The following AFG2A variants were observed in gnomAD, a reference collection of about 807,000 sequenced individuals.
AFG2A encodes AAA ATPase AFG2A.
At chr4:123,147,678 A>C in the AFG2A span, among the ~76,000 whole-genome samples, 1 of 152,226 alleles carries the variant, frequency 6.6e-6, no homozygotes, top group Non-Finnish European at 1.5e-5. Context: ...AATCTAAAAA[A>C]TTGAATTGTA....
the AFG2A span, among the ~76,000 whole-genome samples, chr4:122,945,664 A>G: frequency 6.6e-6 from 1 of 152,162 alleles, no homozygotes; most frequent in African/African-American, 2.4e-5. Context: ...TCCTGCACCC[A>G]CTTTCTGGCA....
the AFG2A span, among the ~76,000 whole-genome samples, chr4:123,032,191 G>A: frequency 1.3e-5 from 2 of 152,044 alleles, no homozygotes; most frequent in Non-Finnish European, 2.9e-5. Flanking sequence ...GACTTTTTGG[G>A]AAATTTTCTT....
At chr4:123,300,883 G>A in the AFG2A span, among the ~76,000 whole-genome samples, 1,073 of 151,838 alleles carry the variant, frequency 7.1e-3, 5 homozygotes, top group Middle Eastern at 0.048. Flanking sequence ...ACAAAAGAAG[G>A]ATCTAACAAA....
the AFG2A span, among the ~76,000 whole-genome samples, chr4:123,052,653 C>T: frequency 6.6e-6 from 1 of 152,176 alleles, no homozygotes; most frequent in Admixed American, 6.5e-5. Flanking sequence ...GTGACCACTT[C>T]AGCTATCTAA....
At chr4:122,989,549 G>C in the AFG2A span, among the ~76,000 whole-genome samples, 9 of 152,264 alleles carry the variant, frequency 5.9e-5, no homozygotes, top group Admixed American at 1.3e-4. Flanking sequence ...GGACCATAGT[G>C]GTGGGTCTAG....
At chr4:123,166,203 A>G in the AFG2A span, among the ~76,000 whole-genome samples, 1 of 152,204 alleles carries the variant, frequency 6.6e-6, no homozygotes, top group Admixed American at 6.5e-5. Context: ...ACTGGGCTGG[A>G]AAAGGCAGAC....
At chr4:122,931,469 A>G in the AFG2A span, among the ~76,000 whole-genome samples, 1 of 152,174 alleles carries the variant, frequency 6.6e-6, no homozygotes, top group Non-Finnish European at 1.5e-5. Flanking sequence ...ATATACATAC[A>G]TGCAACACAC....
chr4:123,310,483 T>G, the AFG2A span, among the ~76,000 whole-genome samples: 1 of 152,254 alleles, frequency 6.6e-6, no homozygotes, highest in Non-Finnish European at 1.5e-5. Context: ...AGTTCTGTTC[T>G]TCACACTTTG....
chr4:123,018,551 T>C, the AFG2A span, among the ~76,000 whole-genome samples: 1 of 152,212 alleles, frequency 6.6e-6, no homozygotes, highest in Non-Finnish European at 1.5e-5. Context: ...TCTAGGATTT[T>C]ATGATTTCAT....
the AFG2A span, among the ~76,000 whole-genome samples, chr4:123,151,219 T>A: frequency 6.6e-6 from 1 of 152,116 alleles, no homozygotes; most frequent in African/African-American, 2.4e-5. Flanking sequence ...GGCAAAGACT[T>A]CATGACTAAA....
the AFG2A span, among the ~76,000 whole-genome samples, chr4:123,210,367 T>C: frequency 0.65 from 98,928 of 152,038 alleles, 32,675 homozygotes; most frequent in Non-Finnish European, 0.69. Context: ...CTACCTAATC[T>C]CTCTGCTAAC....
chr4:123,138,431 T>G, the AFG2A span, among the ~76,000 whole-genome samples: 1 of 152,232 alleles, frequency 6.6e-6, no homozygotes, highest in East Asian at 1.9e-4. Context: ...TTCATTGTCA[T>G]AAAAGCTTAC....
chr4:123,212,350 A>G, the AFG2A span, among the ~76,000 whole-genome samples: 5 of 152,116 alleles, frequency 3.3e-5, no homozygotes, highest in Admixed American at 3.3e-4. Flanking sequence ...CAGATCACGC[A>G]TCATTTTCTT....
chr4:123,252,775 A>G, the AFG2A span, among the ~76,000 whole-genome samples: 5 of 152,200 alleles, frequency 3.3e-5, no homozygotes, highest in Admixed American at 1.3e-4. Flanking sequence ...GCCCTTTTGC[A>G]GTCCATTTTT....
chr4:123,116,524 C>A, the AFG2A span, among the ~76,000 whole-genome samples: 1 of 152,128 alleles, frequency 6.6e-6, no homozygotes, highest in Non-Finnish European at 1.5e-5. Flanking sequence ...CACAGGAAAA[C>A]CCTCCCTGAC....
chr4:123,006,968 AG>A, the AFG2A span, among the ~76,000 whole-genome samples: 1 of 151,106 alleles, frequency 6.6e-6, no homozygotes. Context: ...TTTTTGTAAA[AG>A]GAAACCATGG....
At chr4:123,011,121 T>C in the AFG2A span, among the ~76,000 whole-genome samples, 2 of 152,218 alleles carry the variant, frequency 1.3e-5, no homozygotes, top group Non-Finnish European at 2.9e-5. Flanking sequence ...CTGGCCAGCA[T>C]TGATTATTCT....
At chr4:122,955,546 T>C in the AFG2A span, among the ~76,000 whole-genome samples, 1 of 152,230 alleles carries the variant, frequency 6.6e-6, no homozygotes, top group African/African-American at 2.4e-5. Flanking sequence ...TTGTCTAATT[T>C]AGTAGGCTTT....
chr4:123,253,902 A>G, the AFG2A span, among the ~76,000 whole-genome samples: 6 of 152,116 alleles, frequency 3.9e-5, no homozygotes, highest in African/African-American at 1.4e-4. Flanking sequence ...TTTAATTTTC[A>G]TCATTCTTAT....
Sources: allele counts gnomAD v4.1 joint callset (sites outside exome capture counted in the v4.1 genomes callset), GRCh38; gene constraint gnomAD v4.1.1; transcripts MANE v1.5; gene names NCBI Gene and HGNC (gene_info 2026-07-23, HGNC 2026-07-21).